TRMT9B: variants seen among roughly 807,000 people sequenced by gnomAD.
TRMT9B encodes the protein tRNA methyltransferase 9B (putative), also known as probable tRNA methyltransferase 9B.
Under a neutral mutation model 11.5 loss-of-function variants are expected in TRMT9B, and 16 were observed. That is an observed-to-expected ratio of 1.39 (90% CI 0.94 to 2.11). TRMT9B has a LOEUF of 2.11. TRMT9B is among the 30% of genes most tolerant of loss of function. TRMT9B has a pLI of 0.00. For synonymous variants in TRMT9B, 274 were observed against 192.4 expected, an observed-to-expected ratio of 1.42 and a Z score of -3.51; for missense variants, 941 against 553.8, an observed-to-expected ratio of 1.70 and a Z score of -7.02.
intron 1 of TRMT9B, among the ~76,000 whole-genome samples, chr8:12,973,160 A>G (rs28492847): frequency 0.048 from 7,258 of 152,262 alleles, 607 homozygotes; most frequent in African/African-American, 0.17. Context: ...GGCATGTGTC[A>G]GAATTGCATT....
At position 13,026,199 on chromosome 8, in the gene TRMT9B, C is replaced by T. The variant is rs915686249; in HGVS notation, c.*4155C>T. ...CAAATTAGGGCAGGCCTCAGCATCT[C>T]TTTCCTATTACATAGAAAATCTGAA... On this transcript the variant is annotated 3_prime_UTR_variant, in exon 5 of 5. Coordinates refer to ENST00000524591, the MANE Select transcript of TRMT9B (RefSeq NM_020844.3). The T allele has an allele frequency of 6.0e-6, 1 of 167,086 alleles. No individual in the cohort carries two copies. Among genetic ancestry groups the T allele is most frequent in the African/African-American group, 2.4e-5 (1 of 41,448 alleles). The allele number at this position is 167,086 out of a possible 1,614,324, so 10.4% of individuals were successfully genotyped here.
At chr8:12,969,419 A>C (rs1803271638) in intron 1 of TRMT9B, among the ~76,000 whole-genome samples, 1 of 152,144 alleles carries the variant, frequency 6.6e-6, no homozygotes, top group Non-Finnish European at 1.5e-5. Context: ...GATTGGTTCC[A>C]GGACCCACTC....
intron 1 of TRMT9B, among the ~76,000 whole-genome samples, chr8:12,959,516 C>CTTT (rs61536433): frequency 0.023 from 1,688 of 74,876 alleles, 102 homozygotes; most frequent in South Asian, 0.032. Context: ...TTTTTCCTTC[C>CTTT]TTTTTTTTTT....
chr8:13,012,550 G>C, intron 3 of TRMT9B, 134 bp from the exon 4 acceptor site: 2 of 1,178,190 alleles, frequency 1.7e-6, no homozygotes, highest in Non-Finnish European at 2.3e-6. Flanking sequence ...ACTCCAGCCT[G>C]GGTGACTGAG....
intron 1 of TRMT9B, 101 bp downstream of exon 1, chr8:12,946,067 ATATCT>A (rs1800250867): frequency 6.6e-6 from 1 of 152,214 alleles, no homozygotes. Context: ...ATGAGGGTAG[ATATCT>A]TATCTGTTTT....
intron 1 of TRMT9B, among the ~76,000 whole-genome samples, chr8:12,950,850 C>T (rs1197326508): frequency 6.6e-6 from 1 of 152,116 alleles, no homozygotes; most frequent in Non-Finnish European, 1.5e-5. Context: ...CCATAAATAA[C>T]CTGAACTGGA....
At position 12,952,770 on chromosome 8, in the gene TRMT9B, C is replaced by G. The variant is rs926206505; in HGVS notation, c.-200+6804C>G. On this transcript the variant is annotated intron_variant, in intron 1 of 4. Coordinates refer to ENST00000524591, the MANE Select transcript of TRMT9B (RefSeq NM_020844.3). ...TTTTTGTTGTTGTTTGACGGAGTCT[C>G]TCTCTGTCACCCAGGCTGGAGTGCA... 4 of 767,452 alleles carry G rather than the reference C, an allele frequency of 5.2e-6. No homozygotes were observed. In the African/African-American group the frequency reaches 5.7e-5, roughly 11 times the overall value. The allele number at this position is 767,452 out of a possible 1,614,324, so 47.5% of individuals were successfully genotyped here.
At chr8:12,950,651 C>T (rs1268484749) in intron 1 of TRMT9B, among the ~76,000 whole-genome samples, 1 of 152,030 alleles carries the variant, frequency 6.6e-6, no homozygotes, top group Non-Finnish European at 1.5e-5. Context: ...CAAAGGTTTC[C>T]CCCACTCCAC....
In TRMT9B at chr8:13,021,267, G is replaced by C. The variant is rs758132634; in HGVS notation, c.588G>C (p.Glu196Asp). 5.6e-6 allele frequency: 9 copies of C among 1,613,870 alleles called. No individual in the cohort carries two copies. The highest frequency in any genetic ancestry group is 1.3e-5 in the African/African-American group (1 of 74,932). ...RGHPYHPPCS[E>D]CSCSVCFKEQ... ...ATCCCTACCATCCTCCTTGCTCTGA[G>C]TGTAGCTGTTCTGTTTGTTTTAAAG... The change falls in exon 5 of 5, where the codon GAG becomes GAC. Residue 196 changes from glutamate to aspartate, a missense_variant. Coordinates refer to ENST00000524591, the MANE Select transcript of TRMT9B (RefSeq NM_020844.3).
At chr8:12,970,987 G>A (rs568247559) in intron 1 of TRMT9B, among the ~76,000 whole-genome samples, 1 of 152,144 alleles carries the variant, frequency 6.6e-6, no homozygotes, top group South Asian at 2.1e-4. Flanking sequence ...TTCATTTTTT[G>A]CATTTTTAAA....
At chr8:13,012,599 T>C (rs1811843483) in intron 3 of TRMT9B, 85 bp from the exon 4 acceptor site, 1 of 1,448,646 alleles carries the variant, frequency 6.9e-7, no homozygotes, top group Admixed American at 2.2e-5. Context: ...AATAAAAGGT[T>C]AATTATATTT....
chr8:12,964,650 T>C (rs551653283), intron 1 of TRMT9B, among the ~76,000 whole-genome samples: 63 of 152,246 alleles, frequency 4.1e-4, no homozygotes, highest in South Asian at 6.2e-4. Flanking sequence ...TCACAGCTCA[T>C]TGTAGCCTCA....
chr8:13,016,746 C>A (rs1365638355), intron 4 of TRMT9B, among the ~76,000 whole-genome samples: 2 of 151,450 alleles, frequency 1.3e-5, no homozygotes, highest in Non-Finnish European at 2.9e-5. Flanking sequence ...CTGGGGGTTA[C>A]GTTGCTCCTT....
chr8:13,008,121 G>T (rs553393926), intron 3 of TRMT9B, among the ~76,000 whole-genome samples: 1 of 152,264 alleles, frequency 6.6e-6, no homozygotes, highest in African/African-American at 2.4e-5. Flanking sequence ...GTATAAGCTT[G>T]TTGCATATGT....
At chr8:13,006,582 C>T in intron 3 of TRMT9B, 1 of 1,420,930 alleles carries the variant, frequency 7.0e-7, no homozygotes, top group Non-Finnish European at 9.2e-7. Context: ...GCACCCTTGG[C>T]ATGCCAGTAC....
intron 3 of TRMT9B, chr8:13,011,565 G>C (rs1811615718): frequency 1.1e-6 from 1 of 931,876 alleles, no homozygotes; most frequent in Non-Finnish European, 1.3e-6. Flanking sequence ...ATCTGTGATA[G>C]AATATAATAC....
intron 1 of TRMT9B, among the ~76,000 whole-genome samples, chr8:12,972,061 T>G (rs1803720453): frequency 6.6e-6 from 1 of 152,224 alleles, no homozygotes; most frequent in Admixed American, 6.5e-5. Context: ...AGGTAGAGTC[T>G]GGGAGGGAAA....
chr8:13,002,348 A>C (rs891303153), intron 2 of TRMT9B, among the ~76,000 whole-genome samples: 20 of 152,224 alleles, frequency 1.3e-4, no homozygotes, highest in African/African-American at 4.6e-4. Context: ...TCCTTGAGAA[A>C]GGGGAAACGT....
At chr8:12,967,334 C>G (rs935116715) in intron 1 of TRMT9B, among the ~76,000 whole-genome samples, 1 of 152,212 alleles carries the variant, frequency 6.6e-6, no homozygotes. Flanking sequence ...ACAGCTGAGA[C>G]TTGACTTTGG....
Sources: allele counts gnomAD v4.1 joint callset (sites outside exome capture counted in the v4.1 genomes callset), GRCh38; gene constraint gnomAD v4.1.1; transcripts MANE v1.5; gene names NCBI Gene and HGNC (gene_info 2026-07-23, HGNC 2026-07-21).